The following ELAPOR2 variants were observed in gnomAD, a reference collection of about 807,000 sequenced individuals.
ELAPOR2 encodes endosome/lysosome-associated apoptosis and autophagy regulator family member 2.
A neutral mutation model predicts 120.7 loss-of-function variants in ELAPOR2; 89 were observed. The ratio of observed to expected loss-of-function variants is 0.74; its 90% CI spans 0.62 to 0.88. The LOEUF (loss-of-function observed/expected upper bound fraction) is 0.88, where lower values mean the gene tolerates loss of function less well. Among genes scored for constraint, ELAPOR2 ranks in the 40% least tolerant of loss-of-function variants. ELAPOR2 has a pLI of 0.00. For synonymous variants in ELAPOR2, 444 were observed against 444.9 expected (o/e 1.00, Z 0.03); for missense variants, 1,134 against 1,251.6 (o/e 0.91, Z 1.42).
chr7:86,996,139 AT>A (rs111550855), intron 1 of ELAPOR2, among the ~76,000 whole-genome samples: 9 of 152,000 alleles, frequency 5.9e-5, no homozygotes, highest in African/African-American at 9.7e-5. Context: ...ACAAAAAAAA[AT>A]TGACAATTAA....
intron 1 of ELAPOR2, among the ~76,000 whole-genome samples, chr7:87,015,592 G>C (rs978113612): frequency 2.0e-5 from 3 of 152,062 alleles, no homozygotes; most frequent in Non-Finnish European, 2.9e-5. Flanking sequence ...CTCGAGACCA[G>C]CCTAGCCAAC....
chr7:86,886,890 A>G (rs1316027204), intron 21 of ELAPOR2, among the ~76,000 whole-genome samples: 2 of 152,122 alleles, frequency 1.3e-5, no homozygotes, highest in African/African-American at 4.8e-5. Context: ...GCTGAAGCCC[A>G]GTGGTATCCA....
chr7:87,003,017 T>C (rs1793366374), intron 1 of ELAPOR2, among the ~76,000 whole-genome samples: 1 of 152,114 alleles, frequency 6.6e-6, no homozygotes, highest in Admixed American at 6.6e-5. Flanking sequence ...GACTACATCA[T>C]AAATTTGCTC....
intron 1 of ELAPOR2, among the ~76,000 whole-genome samples, chr7:87,000,496 A>G (rs1390269920): frequency 1.3e-5 from 2 of 152,206 alleles, no homozygotes; most frequent in East Asian, 3.9e-4. Flanking sequence ...GTCTGACTCA[A>G]CCCTGCAATG....
intron 18 of ELAPOR2, among the ~76,000 whole-genome samples, chr7:86,905,457 T>C (rs899398421): frequency 2.3e-4 from 35 of 152,134 alleles, no homozygotes; most frequent in African/African-American, 8.2e-4. Flanking sequence ...GGTCAGCACA[T>C]TTAAGCTGTA....
rs537967532 is a variant in ELAPOR2 at position 86,984,972 on chromosome 7, A to T, written c.190-19948T>A. ...TAAAGAAGAAAAGAGAGAAGAATCA[A>T]ATAGAGGCAATAAAAAATGATAAAG... is the stretch of plus-strand genomic sequence containing the variant. On this transcript the variant is annotated intron_variant, in intron 1 of 21. Coordinates refer to ENST00000450689, the MANE Select transcript of ELAPOR2 (RefSeq NM_001142749.3). Among the ~76,000 whole-genome samples the T allele has an allele frequency of 2.0e-5, 3 of 152,310 alleles. No homozygotes were observed. In the East Asian group the frequency reaches 5.8e-4, roughly 29 times the overall value.
At chr7:87,056,098 CCT>C (rs1218225971) in intron 1 of ELAPOR2, among the ~76,000 whole-genome samples, 2 of 152,260 alleles carry the variant, frequency 1.3e-5, no homozygotes, top group East Asian at 3.9e-4. Flanking sequence ...CCCATTAAGT[CCT>C]ATTATTCACT....
intron 1 of ELAPOR2, among the ~76,000 whole-genome samples, chr7:87,035,121 G>A (rs1317654707): frequency 2.0e-5 from 3 of 151,464 alleles, no homozygotes; most frequent in Admixed American, 6.6e-5. Flanking sequence ...TGCTAGCTAC[G>A]ACTAATGCAT....
intron 1 of ELAPOR2, among the ~76,000 whole-genome samples, chr7:87,026,330 T>C (rs942134310): frequency 2.0e-5 from 3 of 152,100 alleles, no homozygotes; most frequent in Admixed American, 6.6e-5. Context: ...GAAGAAGCCA[T>C]GGAGAATATG....
chr7:86,982,477 A>AGCAATATTTGCTGTTCT (rs1424175996), intron 1 of ELAPOR2, among the ~76,000 whole-genome samples: 2 of 152,232 alleles, frequency 1.3e-5, no homozygotes, highest in Admixed American at 6.5e-5. Context: ...AGGATCAGGC[A>AGCAATATTTGCTGTTCT]GCAATATTTG....
chr7:86,891,600 T>C (rs1165898078), intron 21 of ELAPOR2, 124 bp downstream of exon 21: 3 of 711,478 alleles, frequency 4.2e-6, no homozygotes, highest in East Asian at 2.7e-5. Context: ...AGTATTTCTG[T>C]TGGATAAATA....
In ELAPOR2 at chr7:86,912,582, T is replaced by C. The variant is rs192462743; in HGVS notation, c.1996-337A>G. ...TCACTCATAATATGGCATCAATCTT[T>C]GCCATTCAAAATTATAAGAAACACT... On this transcript the variant is annotated intron_variant, in intron 14 of 21. Coordinates refer to ENST00000450689, the MANE Select transcript of ELAPOR2 (RefSeq NM_001142749.3). Among the ~76,000 whole-genome samples the C allele has an allele frequency of 2.5e-3, 381 of 152,318 alleles. 4 individuals carry two copies. Among genetic ancestry groups the C allele is most frequent in the Admixed American group, 0.022 (334 of 15,294 alleles).
chr7:86,888,160 C>A (rs1433687797), intron 21 of ELAPOR2, among the ~76,000 whole-genome samples: 1 of 152,070 alleles, frequency 6.6e-6, no homozygotes, highest in Non-Finnish European at 1.5e-5. Flanking sequence ...CACTGCCCCC[C>A]AAGTCCCCCT....
At chr7:86,900,497 C>G (rs1299983667) in intron 18 of ELAPOR2, among the ~76,000 whole-genome samples, 1 of 152,112 alleles carries the variant, frequency 6.6e-6, no homozygotes, top group African/African-American at 2.4e-5. Flanking sequence ...ATGCATATCA[C>G]TTTCTAAAGA....
intron 1 of ELAPOR2, among the ~76,000 whole-genome samples, chr7:87,055,344 T>G (rs1795229034): frequency 6.6e-6 from 1 of 152,142 alleles, no homozygotes; most frequent in Non-Finnish European, 1.5e-5. Context: ...AGCATACTAC[T>G]CCTCTTTTTG....
rs769205927 is a variant in ELAPOR2, at chr7:86,913,127, T to C, written c.1809A>G (p.Ser603=). ...ATNAVDGVAS[S]CRACALGSEQ... is the part of the protein sequence containing the mutation. ...CAGAACCGAGGGCACAGGCACGGCA[T>C]GAGGACGCCACCCCATCAACTGCAT... Residue 603 remains serine (S), a synonymous_variant, in exon 14 of 22, where the codon TCA becomes TCG. Transcript: ENST00000450689. 6.2e-7 allele frequency: 1 copy of C among 1,614,058 alleles called. No individual in the cohort carries two copies. The highest frequency in any genetic ancestry group is 2.2e-5 in the East Asian group (1 of 44,840).
At chr7:87,026,501 G>T (rs1794249517) in intron 1 of ELAPOR2, among the ~76,000 whole-genome samples, 1 of 151,640 alleles carries the variant, frequency 6.6e-6, no homozygotes, top group Admixed American at 6.6e-5. Context: ...CCATTTTAGG[G>T]AACTGCTGAA....
chr7:86,936,239 T>C lies in ELAPOR2; in HGVS notation c.1089+1887A>G, dbSNP rs28684885. 1.9e-3 allele frequency among the ~76,000 whole-genome samples: 296 copies of C among 152,120 alleles called. 1 individual carries two copies. The highest frequency in any genetic ancestry group is 6.7e-3 in the African/African-American group (279 of 41,510). ...TATTTATATAAAGAGACAGGTCTTG[T>C]TACACTGCCCAGGCTGGAGTACAGT... On this transcript the variant is annotated intron_variant, in intron 8 of 21. Coordinates refer to ENST00000450689, the MANE Select transcript of ELAPOR2 (RefSeq NM_001142749.3).
At chr7:86,889,452 C>A (rs1799851061) in intron 21 of ELAPOR2, among the ~76,000 whole-genome samples, 1 of 151,574 alleles carries the variant, frequency 6.6e-6, no homozygotes, top group Non-Finnish European at 1.5e-5. Flanking sequence ...TAGTATCAAA[C>A]CCTATAATAC....
Sources: gnomAD v4.1 joint callset for allele counts (sites outside exome capture counted in the v4.1 genomes callset) on GRCh38, gnomAD v4.1.1 for gene constraint, MANE v1.5 for transcripts, NCBI Gene and HGNC (gene_info 2026-07-23, HGNC 2026-07-21) for gene names.